The following MCPH1 variants were observed in gnomAD, a reference collection of about 807,000 sequenced individuals.
MCPH1 encodes microcephalin.
A neutral mutation model predicts 84.5 loss-of-function variants in MCPH1; 104 were observed. The ratio of observed to expected loss-of-function variants is 1.23; its 90% CI spans 1.05 to 1.45. The LOEUF (loss-of-function observed/expected upper bound fraction) is 1.45, where lower values mean the gene tolerates loss of function less well. MCPH1 is among the 40% of genes most tolerant of loss of function. MCPH1 has a pLI of 0.00. For missense variants in MCPH1, 1,498 were observed against 1,005.7 expected (o/e 1.49, Z -6.62); for synonymous variants, 514 against 366.8 (o/e 1.40, Z -4.58).
At chr8:6,507,927 T>C (rs1432386529) in intron 12 of MCPH1, 1 of 152,182 alleles carries the variant, frequency 6.6e-6, no homozygotes, top group Non-Finnish European at 1.5e-5. Flanking sequence ...GTTTGAACTC[T>C]CAAATGTTTC....
intron 3 of MCPH1, among the ~76,000 whole-genome samples, chr8:6,417,245 A>G (rs1190367319): frequency 6.6e-6 from 1 of 152,132 alleles, no homozygotes; most frequent in Admixed American, 6.5e-5. Flanking sequence ...AATTAGCTGT[A>G]TACCAGGGAT....
At chr8:6,476,373 G>C (rs1808454668) in intron 9 of MCPH1, among the ~76,000 whole-genome samples, 1 of 148,004 alleles carries the variant, frequency 6.8e-6, no homozygotes, top group South Asian at 2.1e-4. Flanking sequence ...AGGTTGCAGT[G>C]AGCCGAGATT....
rs1804069151 is a variant in MCPH1, at chr8:6,444,968, T to C, written c.1246T>C (p.Phe416Leu). Residue 416 changes from phenylalanine to leucine, a missense_variant, in exon 8 of 14, where the codon TTT becomes CTT. Physicochemically the swap from Phe to Leu is conservative, Grantham distance 22 (BLOSUM62 0). Coordinates refer to ENST00000344683, the MANE Select transcript of MCPH1 (RefSeq NM_024596.5). The stretch of plus-strand genomic sequence containing the variant: ...TGGGGAGTCTTCATATGATGACTAT[T>C]TTTCACCTGATAATCTTAAGGAAAG... ...SCGESSYDDY[F>L]SPDNLKERYS... The C allele has an allele frequency of 1.2e-6, 2 of 1,614,048 alleles. No individual in the cohort carries two copies. Among genetic ancestry groups the C allele is most frequent in the African/African-American group, 2.7e-5 (2 of 74,910 alleles).
At chr8:6,568,495 G>A (rs568876156) in intron 12 of MCPH1, among the ~76,000 whole-genome samples, 1 of 152,352 alleles carries the variant, frequency 6.6e-6, no homozygotes, top group South Asian at 2.1e-4. Flanking sequence ...CTGTTGTCCA[G>A]TTTAATGCTC....
chr8:6,429,826 C>T (rs1045496455), intron 3 of MCPH1, among the ~76,000 whole-genome samples: 2 of 152,164 alleles, frequency 1.3e-5, no homozygotes, highest in African/African-American at 4.8e-5. Flanking sequence ...CTGGCCTCCT[C>T]CTCCTGGACC....
intron 12 of MCPH1, among the ~76,000 whole-genome samples, chr8:6,581,341 G>C (rs1283559915): frequency 6.6e-6 from 1 of 152,128 alleles, no homozygotes; most frequent in Non-Finnish European, 1.5e-5. Flanking sequence ...GCATAAATGG[G>C]GATGAATTTA....
At chr8:6,554,702 G>A (rs1824282568) in intron 12 of MCPH1, among the ~76,000 whole-genome samples, 1 of 152,140 alleles carries the variant, frequency 6.6e-6, no homozygotes, top group African/African-American at 2.4e-5. Context: ...TTGCTCAGAG[G>A]GAGAACCAGT....
intron 9 of MCPH1, among the ~76,000 whole-genome samples, chr8:6,475,619 C>T (rs527273578): frequency 2.2e-4 from 33 of 152,250 alleles, no homozygotes; most frequent in Admixed American, 6.5e-4. Flanking sequence ...CGCCATGAGT[C>T]GGGAGGGCAA....
At position 6,610,455 on chromosome 8, in the gene MCPH1, T is replaced by G. The variant is rs368844086; in HGVS notation, c.2215-10999T>G. ...AACCATCCCAAAGTCTGGCGTCAACTGTCATTGCATGCTGCTCTTTTCAGC... is the reference window on the plus strand; with the variant it reads ...AACCATCCCAAAGTCTGGCGTCAACGGTCATTGCATGCTGCTCTTTTCAGC... On this transcript the variant is annotated intron_variant, in intron 12 of 13. Transcript: ENST00000344683. 1.9e-4 allele frequency among the ~76,000 whole-genome samples: 29 copies of G among 152,320 alleles called. 1 individual carries two copies. Among genetic ancestry groups the G allele is most frequent in the African/African-American group, 6.5e-4 (27 of 41,564 alleles).
chr8:6,601,549 C>CT (rs1563173766), intron 12 of MCPH1, among the ~76,000 whole-genome samples: 6 of 95,448 alleles, frequency 6.3e-5, no homozygotes, highest in Admixed American at 2.4e-4. Context: ...ACACACACCC[C>CT]TACGCACACC....
chr8:6,454,046 A>G (rs1220125557), intron 8 of MCPH1, among the ~76,000 whole-genome samples: 2 of 152,184 alleles, frequency 1.3e-5, no homozygotes, highest in African/African-American at 4.8e-5. Context: ...GAAAAGAGTG[A>G]CAGTTTTTAC....
chr8:6,424,727 T>C (rs1800803406), intron 3 of MCPH1, among the ~76,000 whole-genome samples: 1 of 152,234 alleles, frequency 6.6e-6, no homozygotes, highest in African/African-American at 2.4e-5. Flanking sequence ...TCTAGGTTCC[T>C]CCAGTAGCTC....
At chr8:6,439,413 G>A (rs576105120) in intron 6 of MCPH1, among the ~76,000 whole-genome samples, 43 of 138,614 alleles carry the variant, frequency 3.1e-4, no homozygotes, top group Non-Finnish European at 5.1e-4. Context: ...TTTCTGAGAT[G>A]GAGTTTTGCA....
intron 3 of MCPH1, among the ~76,000 whole-genome samples, chr8:6,419,340 C>T (rs896490826): frequency 6.6e-6 from 1 of 152,100 alleles, no homozygotes; most frequent in African/African-American, 2.4e-5. Flanking sequence ...TCACCCCAGC[C>T]CTCCCTAGTG....
intron 11 of MCPH1, among the ~76,000 whole-genome samples, chr8:6,493,783 A>G (rs1038982803): frequency 4.6e-5 from 7 of 152,156 alleles, no homozygotes; most frequent in South Asian, 2.1e-4. Context: ...CAGCGTCCCA[A>G]TGATGTTAGT....
chr8:6,558,798 C>T (rs866839848), intron 12 of MCPH1, among the ~76,000 whole-genome samples: 2 of 151,894 alleles, frequency 1.3e-5, no homozygotes, highest in Non-Finnish European at 2.9e-5. Flanking sequence ...GACTACTTGA[C>T]CATAGAAAAC....
intron 8 of MCPH1, among the ~76,000 whole-genome samples, chr8:6,453,438 T>G (rs1157334510): frequency 6.6e-6 from 1 of 151,974 alleles, no homozygotes; most frequent in African/African-American, 2.4e-5. Flanking sequence ...TTTTAAAAGA[T>G]TGTGTTGCAT....
intron 13 of MCPH1, among the ~76,000 whole-genome samples, chr8:6,627,926 T>C (rs1387887915): frequency 6.6e-6 from 1 of 151,978 alleles, no homozygotes; most frequent in Non-Finnish European, 1.5e-5. Flanking sequence ...TATATTTATA[T>C]AAACATTAGT....
chr8:6,426,158 C>G lies in MCPH1; in HGVS notation c.234-5341C>G, dbSNP rs1005458566. On this transcript the variant is annotated intron_variant, in intron 3 of 13. Coordinates refer to ENST00000344683, the MANE Select transcript of MCPH1 (RefSeq NM_024596.5). ...CAGCATTCTGCTCACCCCATTATTGCAGGCTCAGATAGTTGGTTTGTTTTT... is the reference window on the plus strand; with the variant it reads ...CAGCATTCTGCTCACCCCATTATTGGAGGCTCAGATAGTTGGTTTGTTTTT... 5.9e-5 allele frequency among the ~76,000 whole-genome samples: 9 copies of G among 152,182 alleles called. 1 individual carries two copies. Among genetic ancestry groups the G allele is most frequent in the Admixed American group, 2.0e-4 (3 of 15,278 alleles).
Sources: gnomAD v4.1 joint callset for allele counts (sites outside exome capture counted in the v4.1 genomes callset) on GRCh38, gnomAD v4.1.1 for gene constraint, MANE v1.5 for transcripts, NCBI Gene and HGNC (gene_info 2026-07-23, HGNC 2026-07-21) for gene names.